Variants in HK2 observed in about 807,000 individuals in gnomAD.
HK2 encodes hexokinase-2.
In HK2, 42 loss-of-function variants were observed where a neutral mutation model predicts 92.9. The ratio of observed to expected loss-of-function variants is 0.45; its 90% CI spans 0.35 to 0.58. HK2 has a LOEUF of 0.58. Ranked by LOEUF, HK2 falls within the 20% of genes least tolerant of loss-of-function variation. The pLI, the probability that HK2 is intolerant of heterozygous loss-of-function variation, is 0.00. For missense variants in HK2, 978 were observed against 1,245.1 expected (o/e 0.79, Z 3.23); for synonymous variants, 422 against 468.0 (o/e 0.90, Z 1.27).
rs1056153694 is a variant in HK2 at position 74,875,625 on chromosome 2, G to T, written c.875+1176G>T. ...ATTACAGGCGTGAGCCACCGCGCCC[G>T]GCCTGAGAGTCCTTGCTTTGTCAAA... On this transcript the variant is annotated intron_variant, in intron 7 of 17. Transcript: ENST00000290573. Among the ~76,000 whole-genome samples, 2 of 152,040 alleles carry T rather than the reference G, an allele frequency of 1.3e-5. 1 individual carries two copies. Among genetic ancestry groups the T allele is most frequent in the South Asian group, 4.1e-4 (2 of 4,824 alleles).
At chr2:74,889,553 C>A in intron 17 of HK2, 75 bp downstream of exon 17, 1 of 992,954 alleles carries the variant, frequency 1.0e-6, no homozygotes, top group Non-Finnish European at 1.6e-6. Flanking sequence ...TCTCTCTTTC[C>A]TTTGTTACTT....
At chr2:74,854,998 A>G (rs976167024) in intron 2 of HK2, among the ~76,000 whole-genome samples, 2 of 152,022 alleles carry the variant, frequency 1.3e-5, no homozygotes, top group East Asian at 1.9e-4. Context: ...GTCACAGTGC[A>G]TATATATATA....
In HK2 at chr2:74,886,399, G is replaced by A; in HGVS notation, c.2035+6G>A. 6.2e-7 allele frequency: 1 copy of A among 1,614,086 alleles called. No homozygotes were observed. The highest frequency in any genetic ancestry group is 8.5e-7 in the Non-Finnish European group (1 of 1,179,962). ...TGAAGTTGGCCTCATTGTTGGTAAG[G>A]ACCCAGACTGTCCTTTCCACATGGG... On this transcript the variant is annotated splice_donor_region_variant and intron_variant, in intron 14 of 17. Coordinates refer to ENST00000290573, the MANE Select transcript of HK2 (RefSeq NM_000189.5).
intron 1 of HK2, among the ~76,000 whole-genome samples, chr2:74,853,393 T>C (rs2901626): frequency 0.17 from 26,361 of 151,872 alleles, 2,872 homozygotes; most frequent in East Asian, 0.32. Flanking sequence ...GGTGCACCGC[T>C]GTAATCCCAG....
chr2:74,871,281 C>T (rs963129868), intron 3 of HK2, among the ~76,000 whole-genome samples: 4 of 152,142 alleles, frequency 2.6e-5, no homozygotes, highest in Non-Finnish European at 5.9e-5. Flanking sequence ...ATGGTTTAGT[C>T]GAATCTTCTT....
intron 2 of HK2, among the ~76,000 whole-genome samples, chr2:74,865,735 C>A (rs1056326800): frequency 2.0e-5 from 3 of 152,096 alleles, no homozygotes; most frequent in Non-Finnish European, 2.9e-5. Flanking sequence ...ATGCTGCCGT[C>A]ACTGGAGCCA....
At chr2:74,889,212 G>T in intron 16 of HK2, 33 bp from the exon 17 acceptor site, 2 of 1,566,112 alleles carry the variant, frequency 1.3e-6, no homozygotes, top group South Asian at 2.3e-5. Context: ...CTTGGTGCAT[G>T]ACTGAACACT....
Position 74,874,395 on chromosome 2 carries a change from G to A in HK2, c.821G>A (p.Arg274His), listed in dbSNP as rs750907354. 16 of 1,612,932 alleles carry A rather than the reference G, an allele frequency of 9.9e-6. No individual in the cohort carries two copies. The highest frequency in any genetic ancestry group is 1.3e-5 in the African/African-American group (1 of 74,880). Residue 274 changes from arginine (R) to histidine (H), a missense_variant, in exon 7 of 18, where the codon CGC becomes CAC. This residue lies in a region of HK2 where 742 missense variants were observed against 922.5 expected (regional missense o/e 0.80). Transcript: ENST00000290573. ...GACGATGGCTCGCTCAACGACATTC[G>A]CACTGAGTTTGACCAGGAGATTGAC... is the stretch of plus-strand genomic sequence containing the variant. ...FGDDGSLNDIRTEFDQEIDMG... is the reference protein window; with the variant it reads ...FGDDGSLNDIHTEFDQEIDMG...
In HK2 at chr2:74,874,438, G is replaced by A. The variant is rs767293194; in HGVS notation, c.864G>A (p.Pro288=). The part of the protein sequence containing the change: ...DQEIDMGSLN[P]GKQLFEKMIS... The stretch of plus-strand genomic sequence containing the variant: ...AGATTGACATGGGCTCACTGAACCC[G>A]GGAAAGCAACTGTGAGTAGGCCCTT... The change falls in exon 7 of 18, where the codon CCG becomes CCA. Residue 288 remains proline (P), a synonymous_variant. Transcript: ENST00000290573. 36 of 1,604,518 alleles carry A rather than the reference G, an allele frequency of 2.2e-5. No individual in the cohort carries two copies. Among genetic ancestry groups the A allele is most frequent in the Admixed American group, 3.4e-5 (2 of 58,692 alleles).
At chr2:74,868,251 A>G (rs1689007271) in intron 3 of HK2, among the ~76,000 whole-genome samples, 1 of 152,174 alleles carries the variant, frequency 6.6e-6, no homozygotes, top group Admixed American at 6.5e-5. Context: ...GGGTTGGAGA[A>G]GGGAGGCTGC....
chr2:74,863,084 C>T (rs575054826), intron 2 of HK2, among the ~76,000 whole-genome samples: 1 of 152,314 alleles, frequency 6.6e-6, no homozygotes, highest in Admixed American at 6.5e-5. Flanking sequence ...AGTGGTTTCA[C>T]ATCTGTGGGG....
intron 11 of HK2, 110 bp from the exon 12 acceptor site, chr2:74,882,010 C>A: frequency 7.0e-7 from 1 of 1,424,724 alleles, no homozygotes; most frequent in Non-Finnish European, 9.9e-7. Context: ...TGTGCCTGAG[C>A]CTGCATTTCT....
chr2:74,887,113 A>T (rs984806439), intron 15 of HK2, among the ~76,000 whole-genome samples: 2 of 152,244 alleles, frequency 1.3e-5, no homozygotes, highest in Non-Finnish European at 2.9e-5. Flanking sequence ...GCGGGGTCTG[A>T]GCTAAGAGAC....
chr2:74,878,608 G>A, intron 8 of HK2, 80 bp from the exon 9 acceptor site: 2 of 1,115,442 alleles, frequency 1.8e-6, no homozygotes, highest in Non-Finnish European at 2.7e-6. Context: ...GAACTAAAGG[G>A]CTTCCTTGCC....
chr2:74,887,569 G>A (rs1689568830), intron 15 of HK2, among the ~76,000 whole-genome samples: 1 of 152,058 alleles, frequency 6.6e-6, no homozygotes, highest in African/African-American at 2.4e-5. Context: ...GTGGGGTTAT[G>A]GTGTGTTCCT....
chr2:74,881,892 CT>C, intron 11 of HK2, 33 bp downstream of exon 11: 1 of 1,611,138 alleles, frequency 6.2e-7, no homozygotes, highest in Non-Finnish European at 8.5e-7. Context: ...GAGGGGGCCC[CT>C]GGTGGACGTC....
chr2:74,864,587 A>G (rs1042831055), intron 2 of HK2, among the ~76,000 whole-genome samples: 13 of 151,886 alleles, frequency 8.6e-5, no homozygotes, highest in Non-Finnish European at 1.3e-4. Context: ...GTTCACTGCA[A>G]CCTCCACTTC....
chr2:74,848,972 G>T (rs1688505427), intron 1 of HK2, among the ~76,000 whole-genome samples: 1 of 152,254 alleles, frequency 6.6e-6, no homozygotes, highest in Admixed American at 6.5e-5. Flanking sequence ...CTTTCTTGCA[G>T]TCACCTCCAG....
chr2:74,875,920 A>G (rs1478542798), intron 7 of HK2, among the ~76,000 whole-genome samples: 1 of 152,238 alleles, frequency 6.6e-6, no homozygotes, highest in Non-Finnish European at 1.5e-5. Context: ...CCAAATTGTC[A>G]TCCATGGTAG....
Sources: allele counts gnomAD v4.1 joint callset (sites outside exome capture counted in the v4.1 genomes callset), GRCh38; gene constraint gnomAD v4.1.1; regional missense constraint gnomAD v4.1.1; transcripts MANE v1.5; gene names NCBI Gene and HGNC (gene_info 2026-07-23, HGNC 2026-07-21).